The following HMCN1 variants were observed in gnomAD, a reference collection of about 807,000 sequenced individuals.
HMCN1 encodes the protein hemicentin-1.
Under a neutral mutation model 625.9 loss-of-function variants are expected in HMCN1, and 321 were observed. The ratio of observed to expected loss-of-function variants is 0.51; its 90% confidence interval spans 0.47 to 0.56. The LOEUF (loss-of-function observed/expected upper bound fraction) is 0.56, where lower values mean the gene tolerates loss of function less well. HMCN1 is among the 20% of genes least tolerant of loss of function. HMCN1 has a pLI of 0.00. For synonymous variants in HMCN1, 2,425 were observed against 2,417.6 expected, an observed-to-expected ratio of 1.00 and a Z score of -0.09; for missense variants, 6,588 against 6,887.3, an observed-to-expected ratio of 0.96 and a Z score of 1.54.
At chr1:185,783,465 CCT>C (rs1035452799) in intron 1 of HMCN1, among the ~76,000 whole-genome samples, 7 of 151,974 alleles carry the variant, frequency 4.6e-5, no homozygotes, top group African/African-American at 1.4e-4. Flanking sequence ...TTTTTTCCCC[CCT>C]TTGTGGTTTT....
intron 1 of HMCN1, among the ~76,000 whole-genome samples, chr1:185,814,465 T>C (rs1230508890): frequency 2.0e-5 from 3 of 152,152 alleles, no homozygotes; most frequent in Non-Finnish European, 2.9e-5. Context: ...TACTTAGGTA[T>C]AATTAAAGAT....
chr1:185,908,087 G>A (rs1666195891), intron 4 of HMCN1, among the ~76,000 whole-genome samples: 1 of 151,854 alleles, frequency 6.6e-6, no homozygotes, highest in Non-Finnish European at 1.5e-5. Flanking sequence ...GAGTCCTAAT[G>A]ACTGAAAGTG....
chr1:185,807,493 A>G (rs553391600), intron 1 of HMCN1, among the ~76,000 whole-genome samples: 1 of 152,320 alleles, frequency 6.6e-6, no homozygotes, highest in Non-Finnish European at 1.5e-5. Flanking sequence ...ATATGCAGTA[A>G]TATACACAGG....
rs754067906 is a variant in HMCN1 at position 186,119,246 on chromosome 1, C to T, written c.11904C>T (p.Val3968=). The T allele has an allele frequency of 8.1e-6, 13 of 1,613,720 alleles. No homozygotes were observed. The highest frequency in any genetic ancestry group is 5.5e-5 in the South Asian group (5 of 91,080). The change falls in exon 78 of 107, where the codon GTC becomes GTT. Residue 3968 remains valine (V), a synonymous_variant. Transcript: ENST00000271588. ...QLNHAGRYTC[V]ARNAAGSAHR... ...ACCATGCTGGAAGATACACTTGTGTCGCTAGGAATGCGGCTGGCTCTGCAC... is the reference window on the plus strand; with the variant it reads ...ACCATGCTGGAAGATACACTTGTGTTGCTAGGAATGCGGCTGGCTCTGCAC...
intron 1 of HMCN1, among the ~76,000 whole-genome samples, chr1:185,826,809 A>T (rs1239946883): frequency 6.6e-6 from 1 of 152,326 alleles, no homozygotes; most frequent in African/African-American, 2.4e-5. Context: ...TTAGCCTGGA[A>T]TATGTCTCCA....
intron 11 of HMCN1, among the ~76,000 whole-genome samples, chr1:185,950,317 G>A (rs1169592932): frequency 6.6e-6 from 1 of 151,764 alleles, no homozygotes; most frequent in Non-Finnish European, 1.5e-5. Context: ...ACTGTAGAGA[G>A]TGAGTTGAGC....
intron 1 of HMCN1, among the ~76,000 whole-genome samples, chr1:185,797,763 G>A (rs1461852438): frequency 7.7e-6 from 1 of 129,786 alleles, no homozygotes; most frequent in Admixed American, 7.0e-5. Flanking sequence ...TCAGGAGATC[G>A]AGACCATCCC....
intron 94 of HMCN1, 85 bp downstream of exon 94, chr1:186,151,434 A>G: frequency 4.4e-6 from 6 of 1,369,248 alleles, no homozygotes; most frequent in Non-Finnish European, 6.2e-6. Flanking sequence ...AGAGAATGCT[A>G]CTACTAACTC....
rs1400249064 is a variant in HMCN1, at chr1:185,911,684, A to T, written c.804A>T (p.Ile268=). The part of the protein sequence containing the change: ...IEIRNPLGKL[I]KKGFGLHELL... ...TGTTCTGTCTTTCAGGGAAGCTGAT[A>T]AAAAAGGGATTTGGCCTGCATGAGC... Residue 268 remains isoleucine (I), a synonymous_variant, in exon 6 of 107, where the codon ATA becomes ATT. Coordinates refer to ENST00000271588, the MANE Select transcript of HMCN1 (RefSeq NM_031935.3). The T allele has an allele frequency of 1.2e-6, 2 of 1,609,112 alleles. No individual in the cohort carries two copies. Among genetic ancestry groups the T allele is most frequent in the South Asian group, 1.1e-5 (1 of 90,972 alleles).
chr1:185,756,526 C>T (rs1032855231), intron 1 of HMCN1, among the ~76,000 whole-genome samples: 2 of 151,414 alleles, frequency 1.3e-5, no homozygotes, highest in Admixed American at 1.3e-4. Context: ...ATAGTAATAT[C>T]TTTCTCTATA....
intron 1 of HMCN1, among the ~76,000 whole-genome samples, chr1:185,818,792 G>A (rs985137962): frequency 6.6e-6 from 1 of 152,246 alleles, no homozygotes; most frequent in East Asian, 1.9e-4. Context: ...AGTATGGAAT[G>A]TAAAACTTAT....
chr1:186,007,256 C>T lies in HMCN1; in HGVS notation c.4604C>T (p.Ala1535Val). The stretch of plus-strand genomic sequence containing the variant: ...GTGTCTAATGCAGCTGGCAAACAAG[C>T]CAAGGATATAAAACTGACTATCTAT... ...CTVSNAAGKQ[A>V]KDIKLTIYIP... Residue 1535 changes from alanine (A) to valine (V), a missense_variant, in exon 30 of 107, where the codon GCC (alanine) becomes GTC (valine). Coordinates refer to ENST00000271588, the MANE Select transcript of HMCN1 (RefSeq NM_031935.3). The T allele has an allele frequency of 6.2e-7, 1 of 1,613,616 alleles. No homozygotes were observed. The highest frequency in any genetic ancestry group is 8.5e-7 in the Non-Finnish European group (1 of 1,179,688).
chr1:185,927,619 G>T (rs1244319657), intron 9 of HMCN1, among the ~76,000 whole-genome samples: 3 of 152,092 alleles, frequency 2.0e-5, no homozygotes, highest in Admixed American at 6.6e-5. Flanking sequence ...GGTGTGTTTG[G>T]ATGGGGAGCG....
At chr1:185,738,450 A>T (rs1012774931) in intron 1 of HMCN1, among the ~76,000 whole-genome samples, 3 of 152,172 alleles carry the variant, frequency 2.0e-5, no homozygotes, top group Non-Finnish European at 2.9e-5. Flanking sequence ...CTTTAGCATA[A>T]CATTTTCAAG....
intron 1 of HMCN1, among the ~76,000 whole-genome samples, chr1:185,746,717 T>C (rs527248595): frequency 9.2e-5 from 14 of 151,626 alleles, no homozygotes; most frequent in African/African-American, 3.2e-4. Context: ...CGATTCTGCC[T>C]GCCTTAGCCT....
chr1:185,917,087 T>C (rs1266313993), intron 6 of HMCN1, among the ~76,000 whole-genome samples: 3 of 152,164 alleles, frequency 2.0e-5, no homozygotes, highest in African/African-American at 7.2e-5. Flanking sequence ...TTTCTCTTCC[T>C]AGCTCTGTGT....
At position 186,039,807 on chromosome 1, in the gene HMCN1, A is replaced by C. The variant is rs772735775; in HGVS notation, c.6108A>C (p.Arg2036Ser). 5 of 1,613,528 alleles carry C rather than the reference A, an allele frequency of 3.1e-6. No homozygotes were observed. The highest frequency in any genetic ancestry group is 1.7e-4 in the Middle Eastern group (1 of 6,058). Reference protein sequence around the residue: ...NNPVRLECEARGIPAPSLTWL... With the variant: ...NNPVRLECEASGIPAPSLTWL... ...CGGTGAGGTTAGAATGTGAAGCCAGAGGTATTCCTGCCCCAAGTCTGACCT... is the reference window on the plus strand; with the variant it reads ...CGGTGAGGTTAGAATGTGAAGCCAGCGGTATTCCTGCCCCAAGTCTGACCT... The change falls in exon 39 of 107, where the codon AGA (arginine) becomes AGC (serine). Residue 2036 changes from arginine (R) to serine (S), a missense_variant. Physicochemically the swap from Arg to Ser is moderately radical, Grantham distance 110. This residue lies in a region of HMCN1 where 4,628 missense variants were observed against 4,853.1 expected (regional missense o/e 0.95). Coordinates refer to ENST00000271588, the MANE Select transcript of HMCN1 (RefSeq NM_031935.3).
Position 186,093,489 on chromosome 1 carries a change from C to T in HMCN1, c.10016C>T (p.Thr3339Ile), listed in dbSNP as rs1659957316. 4 of 1,612,984 alleles carry T rather than the reference C, an allele frequency of 2.5e-6. No individual in the cohort carries two copies. Among genetic ancestry groups the T allele is most frequent in the Admixed American group, 1.7e-5 (1 of 59,882 alleles). Residue 3339 changes from threonine (T) to isoleucine (I), a missense_variant, in exon 66 of 107, where the codon ACA becomes ATA. Thr to Ile is a moderately conservative substitution (Grantham distance 89). Around this residue, in one of 3 missense-constraint regions of HMCN1, gnomAD observed 4,628 missense variants for 4,853.1 expected, o/e 0.95. Coordinates refer to ENST00000271588, the MANE Select transcript of HMCN1 (RefSeq NM_031935.3). ...DRIFNLNVYVTPTIRGNKDEA... is the reference protein window; with the variant it reads ...DRIFNLNVYVIPTIRGNKDEA... ...TCTCACTTTCTGCACAACATAGTTA[C>T]ACCTACAATTAGGGGTAATAAAGAT... is the stretch of plus-strand genomic sequence containing the variant.
intron 10 of HMCN1, among the ~76,000 whole-genome samples, chr1:185,931,178 G>A (rs1007209777): frequency 2.6e-5 from 4 of 152,054 alleles, no homozygotes; most frequent in Admixed American, 2.0e-4. Flanking sequence ...TAGGTTCCTG[G>A]CCTCCTGATT....
Sources: allele counts gnomAD v4.1 joint callset (sites outside exome capture counted in the v4.1 genomes callset), GRCh38; gene constraint gnomAD v4.1.1; regional missense constraint gnomAD v4.1.1; transcripts MANE v1.5; gene names NCBI Gene and HGNC (gene_info 2026-07-23, HGNC 2026-07-21).